Variants in DSCAM observed in about 807,000 individuals in gnomAD.
DSCAM encodes the protein DS cell adhesion molecule, also known as cell adhesion molecule DSCAM.
Under a neutral mutation model 217.7 loss-of-function variants are expected in DSCAM, and 47 were observed. That is an observed-to-expected ratio of 0.22 (90% CI 0.17 to 0.28). The LOEUF (loss-of-function observed/expected upper bound fraction) is 0.28, where lower values mean the gene tolerates loss of function less well. Among genes scored for constraint, DSCAM ranks in the 10% least tolerant of loss-of-function variants. The pLI is 1.00. For synonymous variants in DSCAM, 1,056 were observed against 1,015.3 expected, an observed-to-expected ratio of 1.04 and a Z score of -0.76; for missense variants, 2,080 against 2,618.3, an observed-to-expected ratio of 0.79 and a Z score of 4.49.
chr21:40,347,463 ACTTC>A (rs2074571097), intron 6 of DSCAM, among the ~76,000 whole-genome samples: 1 of 152,232 alleles, frequency 6.6e-6, no homozygotes, highest in Non-Finnish European at 1.5e-5. Flanking sequence ...ACTTTACATT[ACTTC>A]TAATATGAAA....
In DSCAM at chr21:40,044,410, C is replaced by T. The variant is rs1400313652; in HGVS notation, c.5186-135G>A. 59 of 797,220 alleles carry T rather than the reference C, an allele frequency of 7.4e-5. 1 individual carries two copies. The Admixed American group carries it at 1.7e-3, about 22-fold the overall frequency. The allele number at this position is 797,220 out of a possible 1,614,324, so 49.4% of individuals were successfully genotyped here. A position where few individuals can be genotyped will look rare whatever the true frequency, so the allele number is the denominator to read the frequency against. ...CTCCAGGAAAACTTCCTTGACTTCT[C>T]CTGTGCAGAGGATACTTTCCCTTTC... is the stretch of plus-strand genomic sequence containing the variant. On this transcript the variant is annotated intron_variant, in intron 30 of 32. Transcript: ENST00000400454.
rs1050003066 is a variant in DSCAM at position 40,056,473 on chromosome 21, G to T, written c.4920-633C>A. The stretch of plus-strand genomic sequence containing the variant: ...CAGAAGATTACTCTTAGAGTGAGCT[G>T]TTCTCTAAAAGTAAATGAAAATAAG... On this transcript the variant is annotated intron_variant, in intron 28 of 32. Coordinates refer to ENST00000400454, the MANE Select transcript of DSCAM (RefSeq NM_001389.5). Among the ~76,000 whole-genome samples, 248 of 152,096 alleles carry T rather than the reference G, an allele frequency of 1.6e-3. 4 individuals carry two copies. The highest frequency in any genetic ancestry group is 4.9e-4 in the Non-Finnish European group (33 of 68,000).
At chr21:40,493,602 C>T (rs893589776) in intron 3 of DSCAM, among the ~76,000 whole-genome samples, 1 of 152,090 alleles carries the variant, frequency 6.6e-6, no homozygotes, top group African/African-American at 2.4e-5. Context: ...TGGCTCACAC[C>T]TGTAATCCCA....
intron 11 of DSCAM, among the ~76,000 whole-genome samples, chr21:40,242,871 G>T (rs1372261031): frequency 2.0e-5 from 3 of 152,198 alleles, no homozygotes; most frequent in Non-Finnish European, 4.4e-5. Context: ...ACTGGCACAG[G>T]ACTTTTCTGG....
intron 11 of DSCAM, among the ~76,000 whole-genome samples, chr21:40,272,171 G>A (rs1290880173): frequency 1.3e-5 from 2 of 151,800 alleles, no homozygotes; most frequent in Non-Finnish European, 2.9e-5. Flanking sequence ...TGTAGCCCCC[G>A]ATCGGCCTGG....
rs938040531 is a variant in DSCAM, at chr21:40,536,158, T to C, written c.508+156652A>G. 5.3e-4 allele frequency among the ~76,000 whole-genome samples: 81 copies of C among 152,308 alleles called. 1 individual carries two copies. Among genetic ancestry groups the C allele is most frequent in the Middle Eastern group, 3.4e-3 (1 of 294 alleles). ...ACAATGAAAGTGGGCATCAGCATGT[T>C]CGATTTTATGGTTGGAGAAGAAGCG... On this transcript the variant is annotated intron_variant, in intron 3 of 32. Transcript: ENST00000400454.
chr21:40,538,376 G>C (rs8130144), intron 3 of DSCAM, among the ~76,000 whole-genome samples: 1 of 152,072 alleles, frequency 6.6e-6, no homozygotes, highest in Non-Finnish European at 1.5e-5. Context: ...CGGAGCTGTT[G>C]GCTTCAACCA....
At chr21:40,089,034 G>A (rs1294446727) in intron 21 of DSCAM, among the ~76,000 whole-genome samples, 1 of 152,074 alleles carries the variant, frequency 6.6e-6, no homozygotes, top group African/African-American at 2.4e-5. Flanking sequence ...TTCCATTGTT[G>A]TTCTTTAACA....
chr21:40,397,566 C>A (rs2123767274), intron 3 of DSCAM, among the ~76,000 whole-genome samples: 1 of 152,184 alleles, frequency 6.6e-6, no homozygotes, highest in East Asian at 1.9e-4. Flanking sequence ...TTCTAAATTA[C>A]CCAGTCTCAG....
At chr21:40,391,152 C>G (rs1019732945) in intron 3 of DSCAM, among the ~76,000 whole-genome samples, 2 of 152,182 alleles carry the variant, frequency 1.3e-5, no homozygotes, top group African/African-American at 4.8e-5. Flanking sequence ...CCAGCAAATG[C>G]TGCAATATAA....
chr21:40,737,746 A>T (rs1031243308), intron 1 of DSCAM, among the ~76,000 whole-genome samples: 2 of 152,194 alleles, frequency 1.3e-5, no homozygotes, highest in Non-Finnish European at 2.9e-5. Context: ...CCGCAGGCAG[A>T]AAGAGCATCT....
At chr21:40,204,188 T>C (rs1466515991) in intron 11 of DSCAM, among the ~76,000 whole-genome samples, 3 of 152,194 alleles carry the variant, frequency 2.0e-5, no homozygotes, top group Non-Finnish European at 2.9e-5. Flanking sequence ...GTAGGGCCCA[T>C]ATTTGTGTGC....
In DSCAM at chr21:40,351,243, G is replaced by A. The variant is rs1202254752; in HGVS notation, c.934+2222C>T. ...TGTATGACTTGGCAGGACATGGCAGGACTTGGCAGGATGTAGAAAGGAAAG... is the reference window on the plus strand; with the variant it reads ...TGTATGACTTGGCAGGACATGGCAGAACTTGGCAGGATGTAGAAAGGAAAG... On this transcript the variant is annotated intron_variant, in intron 5 of 32. Coordinates refer to ENST00000400454, the MANE Select transcript of DSCAM (RefSeq NM_001389.5). 3.3e-5 allele frequency among the ~76,000 whole-genome samples: 5 copies of A among 152,086 alleles called. No individual in the cohort carries two copies. The East Asian group carries it at 9.7e-4, about 29-fold the overall frequency.
At chr21:40,623,388 A>G (rs1227908588) in intron 3 of DSCAM, among the ~76,000 whole-genome samples, 1 of 152,228 alleles carries the variant, frequency 6.6e-6, no homozygotes, top group Admixed American at 6.5e-5. Flanking sequence ...TGATGTGTAT[A>G]TGTACAAATG....
At chr21:40,505,188 T>C (rs1307799470) in intron 3 of DSCAM, among the ~76,000 whole-genome samples, 6 of 152,204 alleles carry the variant, frequency 3.9e-5, no homozygotes, top group Non-Finnish European at 8.8e-5. Flanking sequence ...GGATTTAGCC[T>C]ATCATCACTC....
chr21:40,178,428 G>A (rs1246451369), intron 15 of DSCAM, among the ~76,000 whole-genome samples: 1 of 152,088 alleles, frequency 6.6e-6, no homozygotes, highest in Non-Finnish European at 1.5e-5. Context: ...ATAGAAAAAA[G>A]AGCAAAAACA....
At chr21:40,707,200 G>A (rs949852846) in intron 2 of DSCAM, among the ~76,000 whole-genome samples, 8 of 152,200 alleles carry the variant, frequency 5.3e-5, no homozygotes, top group Admixed American at 1.3e-4. Context: ...GTGGTGTTTT[G>A]CAGATTATAA....
intron 32 of DSCAM, among the ~76,000 whole-genome samples, chr21:40,014,651 T>A (rs1027005747): frequency 6.6e-6 from 1 of 152,160 alleles, no homozygotes; most frequent in Admixed American, 6.5e-5. Flanking sequence ...CAATCCCTCC[T>A]TCGCCTTCTC....
At chr21:40,146,765 T>C (rs1204424976) in intron 16 of DSCAM, among the ~76,000 whole-genome samples, 2 of 152,322 alleles carry the variant, frequency 1.3e-5, no homozygotes, top group African/African-American at 4.8e-5. Flanking sequence ...CATACCTTTT[T>C]TATTATAAAC....
Sources: allele counts gnomAD v4.1 joint callset (sites outside exome capture counted in the v4.1 genomes callset), GRCh38; gene constraint gnomAD v4.1.1; transcripts MANE v1.5; gene names NCBI Gene and HGNC (gene_info 2026-07-23, HGNC 2026-07-21).